The following CADM2 variants were observed in gnomAD, a reference collection of about 807,000 sequenced individuals.
CADM2 encodes the protein immunoglobulin superfamily member 4D.
Under a neutral mutation model 49.8 loss-of-function variants are expected in CADM2, and 12 were observed. The observed-to-expected ratio is 0.24, with a 90% CI of 0.15 to 0.39. CADM2 has a LOEUF of 0.39. Among genes scored for constraint, CADM2 ranks in the 10% least tolerant of loss-of-function variants. The pLI, the probability that CADM2 is intolerant of heterozygous loss-of-function variation, is 1.00. For missense variants in CADM2, 378 were observed against 492.3 expected (o/e 0.77, Z 2.20); for synonymous variants, 214 against 175.4 (o/e 1.22, Z -1.74).
chr3:85,560,070 A>G (rs1413108139), intron 1 of CADM2, among the ~76,000 whole-genome samples: 1 of 152,184 alleles, frequency 6.6e-6, no homozygotes, highest in East Asian at 1.9e-4. Flanking sequence ...CCTGAAACAC[A>G]TTAATGTGCT....
At chr3:85,765,595 A>G (rs1199498497) in intron 2 of CADM2, among the ~76,000 whole-genome samples, 1 of 152,040 alleles carries the variant, frequency 6.6e-6, no homozygotes, top group African/African-American at 2.4e-5. Context: ...GGGTTCTAAT[A>G]TCAGAGATGC....
At chr3:85,413,037 A>G (rs1251311294) in intron 1 of CADM2, among the ~76,000 whole-genome samples, 1 of 146,150 alleles carries the variant, frequency 6.8e-6, no homozygotes, top group Non-Finnish European at 1.5e-5. Context: ...GCTATGCGGG[A>G]GGCTGAGGCA....
chr3:85,311,625 C>T (rs1244636075), intron 1 of CADM2, among the ~76,000 whole-genome samples: 2 of 152,232 alleles, frequency 1.3e-5, no homozygotes, highest in Admixed American at 1.3e-4. Flanking sequence ...ATCCGCCCGC[C>T]TCGGCCTCCC....
Position 85,167,975 on chromosome 3 carries a change from C to T in CADM2, c.61+208307C>T, listed in dbSNP as rs531109512. 4.3e-3 allele frequency among the ~76,000 whole-genome samples: 649 copies of T among 152,148 alleles called. 6 individuals are homozygous for T. Among genetic ancestry groups the T allele is most frequent in the African/African-American group, 0.015 (631 of 41,508 alleles). On this transcript the variant is annotated intron_variant, in intron 1 of 9. Transcript: ENST00000383699. ...TTAGACTCCCTGCATCCTAGAGCTT[C>T]GGGCCTAAACAGTGAAAGGGACTAA...
chr3:86,026,212 A>C (rs139266519), intron 8 of CADM2, among the ~76,000 whole-genome samples: 2 of 152,288 alleles, frequency 1.3e-5, no homozygotes, highest in East Asian at 3.9e-4. Context: ...ATTCAAATTC[A>C]GGTATTTTGT....
intron 5 of CADM2, 72 bp from the exon 6 acceptor site, chr3:85,912,301 A>G (rs1305860591): frequency 8.8e-6 from 10 of 1,133,482 alleles, no homozygotes; most frequent in Non-Finnish European, 1.2e-5. Flanking sequence ...AGCTGTTTCC[A>G]TTATCTTGAG....
chr3:86,066,775 T>C lies in CADM2; in HGVS notation c.1207T>C (p.Phe403Leu). ...QVNAEEKKEYFI is the reference protein window; with the variant it reads ...QVNAEEKKEYLI ...CAATGCTGAAGAGAAAAAAGAGTAT[T>C]TCATTTAAGATGCAGGCCAAGATTC... Residue 403 changes from phenylalanine to leucine, a missense_variant, in exon 10 of 10, where the codon TTC (phenylalanine) becomes CTC (leucine). Phe to Leu is a conservative substitution (Grantham distance 22, BLOSUM62 0). Coordinates refer to ENST00000383699, the MANE Select transcript of CADM2 (RefSeq NM_001167675.2). 1.2e-6 allele frequency: 2 copies of C among 1,606,726 alleles called. No individual in the cohort carries two copies. The highest frequency in any genetic ancestry group is 1.7e-6 in the Non-Finnish European group (2 of 1,173,338).
At chr3:85,231,979 T>G (rs1033423143) in intron 1 of CADM2, among the ~76,000 whole-genome samples, 3 of 151,798 alleles carry the variant, frequency 2.0e-5, no homozygotes, top group Admixed American at 6.6e-5. Context: ...CGTCCCAAAG[T>G]GCTGGGATTA....
chr3:85,738,733 A>G (rs984589303), intron 2 of CADM2, among the ~76,000 whole-genome samples: 5 of 152,166 alleles, frequency 3.3e-5, no homozygotes, highest in African/African-American at 1.2e-4. Context: ...CATTTTCAGG[A>G]GATTTCTTAA....
At chr3:85,573,854 C>T (rs1222238704) in intron 1 of CADM2, among the ~76,000 whole-genome samples, 1 of 152,068 alleles carries the variant, frequency 6.6e-6, no homozygotes, top group African/African-American at 2.4e-5. Flanking sequence ...CATGTCTGCC[C>T]ACAGAGACCA....
chr3:85,915,223 G>T (rs1020734095), intron 6 of CADM2, among the ~76,000 whole-genome samples: 8 of 152,016 alleles, frequency 5.3e-5, no homozygotes, highest in African/African-American at 1.9e-4. Context: ...ATGGAGGAAG[G>T]CAATTGAATT....
chr3:85,354,448 A>C (rs796204002), intron 1 of CADM2, among the ~76,000 whole-genome samples: 2 of 151,796 alleles, frequency 1.3e-5, no homozygotes, highest in East Asian at 3.9e-4. Flanking sequence ...GCACATGTAT[A>C]CATATGTAAC....
chr3:85,371,677 G>GTGTGTGTGTGTATA (rs1251505613), intron 1 of CADM2, among the ~76,000 whole-genome samples: 1 of 95,154 alleles, frequency 1.1e-5, no homozygotes, highest in African/African-American at 4.4e-5. Flanking sequence ...GTGTGTGTGT[G>GTGTGTGTGTGTATA]TATATATATA....
chr3:85,568,210 A>G (rs1174095028), intron 1 of CADM2, among the ~76,000 whole-genome samples: 2 of 152,198 alleles, frequency 1.3e-5, no homozygotes, highest in African/African-American at 2.4e-5. Flanking sequence ...AGAGTTCACT[A>G]CTACTGAGAC....
intron 1 of CADM2, among the ~76,000 whole-genome samples, chr3:85,299,742 A>G (rs2044049244): frequency 6.6e-6 from 1 of 151,886 alleles, no homozygotes; most frequent in African/African-American, 2.4e-5. Context: ...TATCTATATT[A>G]TTGACTTGTG....
At chr3:85,395,684 G>A (rs1013599035) in intron 1 of CADM2, among the ~76,000 whole-genome samples, 3 of 151,944 alleles carry the variant, frequency 2.0e-5, no homozygotes, top group African/African-American at 7.2e-5. Context: ...ATATCATCTT[G>A]AAAAAGCCCC....
intron 1 of CADM2, among the ~76,000 whole-genome samples, chr3:85,357,312 T>C (rs1248513476): frequency 2.6e-5 from 4 of 152,116 alleles, no homozygotes; most frequent in Non-Finnish European, 5.9e-5. Flanking sequence ...TTAATATGTG[T>C]CTATGACTAA....
At chr3:86,038,012 G>A (rs756953099) in intron 8 of CADM2, among the ~76,000 whole-genome samples, 8 of 152,006 alleles carry the variant, frequency 5.3e-5, no homozygotes, top group Non-Finnish European at 8.8e-5. Flanking sequence ...ACAAGCTGTG[G>A]TGTGTGATGT....
intron 1 of CADM2, among the ~76,000 whole-genome samples, chr3:85,678,098 C>A (rs914354088): frequency 6.6e-6 from 1 of 152,126 alleles, no homozygotes; most frequent in Non-Finnish European, 1.5e-5. Flanking sequence ...TGCTGTACTA[C>A]GTGGGATTGA....
Sources: gnomAD v4.1 joint callset for allele counts (sites outside exome capture counted in the v4.1 genomes callset) on GRCh38, gnomAD v4.1.1 for gene constraint, MANE v1.5 for transcripts, NCBI Gene and HGNC (gene_info 2026-07-23, HGNC 2026-07-21) for gene names.